The following CDC25B variants were observed in gnomAD, a reference collection of about 807,000 sequenced individuals.
CDC25B encodes the protein M-phase inducer phosphatase 2.
CDC25B carries 33 observed loss-of-function variants against 69.8 expected under a neutral mutation model. That is an observed-to-expected ratio of 0.47 (90% CI 0.36 to 0.63). The LOEUF is 0.63. CDC25B is among the 30% of genes least tolerant of loss of function. The pLI is 0.00. For synonymous variants in CDC25B, 341 were observed against 314.6 expected, an observed-to-expected ratio of 1.08 and a Z score of -0.89; for missense variants, 727 against 809.1, an observed-to-expected ratio of 0.90 and a Z score of 1.23.
Position 3,802,277 on chromosome 20 carries a change from C to A in CDC25B, c.1099-4C>A. The A allele has an allele frequency of 6.2e-7, 1 of 1,610,620 alleles. No individual in the cohort carries two copies. Among genetic ancestry groups the A allele is most frequent in the South Asian group, 1.1e-5 (1 of 91,050 alleles). Reference sequence around the variant, plus strand: ...CCCTGGCCTCCATCTGACTCACTTTCCAGAAAGCCCGCGTCCTCCGCTCAA... The same window carrying A: ...CCCTGGCCTCCATCTGACTCACTTTACAGAAAGCCCGCGTCCTCCGCTCAA... On this transcript the variant is annotated splice_polypyrimidine_tract_variant and splice_region_variant and intron_variant, in intron 10 of 15. Transcript: ENST00000245960.
intron 15 of CDC25B, 44 bp downstream of exon 15, chr20:3,804,724 C>T: frequency 8.1e-7 from 1 of 1,229,556 alleles, no homozygotes; most frequent in Non-Finnish European, 1.1e-6. Context: ...TGAGGGTTGG[C>T]TTGGCCAGGC....
At chr20:3,797,919 G>A (rs1174610883) in intron 2 of CDC25B, among the ~76,000 whole-genome samples, 170 bp downstream of exon 2, 1 of 152,176 alleles carries the variant, frequency 6.6e-6, no homozygotes, top group African/African-American at 2.4e-5. Flanking sequence ...CACACCTCTT[G>A]TGGGGCTCAC....
intron 1 of CDC25B, among the ~76,000 whole-genome samples, chr20:3,788,142 A>AAAAGCAAG (rs1555771433): frequency 6.7e-5 from 10 of 150,096 alleles, no homozygotes; most frequent in African/African-American, 2.2e-4. Context: ...ATCTCAAAAA[A>AAAAGCAAG]AAAGAAAGAA....
intron 3 of CDC25B, among the ~76,000 whole-genome samples, chr20:3,798,977 T>A (rs1024202850): frequency 2.6e-5 from 4 of 152,172 alleles, no homozygotes; most frequent in Non-Finnish European, 5.9e-5. Context: ...GTCTAGGCCC[T>A]TTCTGCAAGG....
intron 3 of CDC25B, among the ~76,000 whole-genome samples, chr20:3,799,272 G>A (rs1367314800): frequency 6.6e-6 from 1 of 152,166 alleles, no homozygotes; most frequent in Non-Finnish European, 1.5e-5. Context: ...GGATTGGGTG[G>A]GGTTGGGGGA....
chr20:3,796,354 C>T lies in CDC25B; in HGVS notation c.-178C>T, dbSNP rs2089039530. The T allele has an allele frequency of 7.7e-7, 1 of 1,293,592 alleles. No homozygotes were observed. The highest frequency in any genetic ancestry group is 9.8e-7 in the Non-Finnish European group (1 of 1,022,570). The allele number at this position is 1,293,592 out of a possible 1,614,324, so 80.1% of individuals were successfully genotyped here. A position where few individuals can be genotyped will look rare whatever the true frequency, so the allele number is the denominator to read the frequency against. Reference sequence around the variant, plus strand: ...GCCTGAGCCCGGCGTCCCTCGCCCCCCGCCCTCCCCGCATCCCTCTCCTCC... The same window carrying T: ...GCCTGAGCCCGGCGTCCCTCGCCCCTCGCCCTCCCCGCATCCCTCTCCTCC... On this transcript the variant is annotated 5_prime_UTR_variant, in exon 1 of 16. Transcript: ENST00000245960.
rs942223003 is a variant in CDC25B, at chr20:3,798,877, A to C, written c.380+414A>C. Among the ~76,000 whole-genome samples, 88 of 152,350 alleles carry C rather than the reference A, an allele frequency of 5.8e-4. 1 individual carries two copies. Among genetic ancestry groups the C allele is most frequent in the Non-Finnish European group, 5.9e-5 (4 of 68,040 alleles). On this transcript the variant is annotated intron_variant, in intron 3 of 15. Coordinates refer to ENST00000245960, the MANE Select transcript of CDC25B (RefSeq NM_021873.4). ...CAAAACTTTAACTCACTCTAGGCCAAACAAAACACAGTTGCCTGCAGATTG... is the reference window on the plus strand; with the variant it reads ...CAAAACTTTAACTCACTCTAGGCCACACAAAACACAGTTGCCTGCAGATTG...
chr20:3,805,022 TGGGCCTGCCGGGCTGA>T lies in CDC25B; in HGVS notation c.*70_*85del. 2 of 1,557,516 alleles carry T rather than the reference TGGGCCTGCCGGGCTGA, an allele frequency of 1.3e-6. No individual in the cohort carries two copies. Among genetic ancestry groups the T allele is most frequent in the Non-Finnish European group, 1.7e-6 (2 of 1,152,490 alleles). On this transcript the variant is annotated 3_prime_UTR_variant, in exon 16 of 16. Transcript: ENST00000245960. ...TCGAGGCCTGAAGCCAGCTGCCCTA[TGGGCCTGCCGGGCTGA>T]GGGCCTGCTGGAGGCCTCAGGTGCT...
chr20:3,787,138 A>G, exon 1 of CDC25B: 3 of 667,504 alleles, frequency 4.5e-6, no homozygotes, highest in Non-Finnish European at 8.0e-6. Context: ...AGAGATGCAC[A>G]GGTAACATTT....
At chr20:3,800,253 G>A in intron 3 of CDC25B, 35 bp from the exon 4 acceptor site, 1 of 1,611,276 alleles carries the variant, frequency 6.2e-7, no homozygotes. Context: ...GGTGCGGAGG[G>A]AGCATGGGTT....
chr20:3,800,236 G>A, intron 3 of CDC25B, 52 bp from the exon 4 acceptor site: 1 of 1,051,050 alleles, frequency 9.5e-7, no homozygotes, highest in South Asian at 1.4e-5. Context: ...TGCTGGGGTG[G>A]GTGATGGGTG....
At chr20:3,799,595 G>A (rs758328958) in intron 3 of CDC25B, among the ~76,000 whole-genome samples, 2 of 152,154 alleles carry the variant, frequency 1.3e-5, no homozygotes, top group African/African-American at 2.4e-5. Context: ...CTGAGGGGGC[G>A]GGGCCTCAGA....
rs1187248849 is a variant in CDC25B, at chr20:3,805,481, T to C, written c.*520T>C. ...TGCCCCTTTCTCTTTTCCCCTTTCC[T>C]GTCCCACCATACGAGCACCTCCAGC... On this transcript the variant is annotated 3_prime_UTR_variant, in exon 16 of 16. Transcript: ENST00000245960. 2 of 305,716 alleles carry C rather than the reference T, an allele frequency of 6.5e-6. No homozygotes were observed. The highest frequency in any genetic ancestry group is 1.2e-5 in the Non-Finnish European group (2 of 166,462). The allele number at this position is 305,716 out of a possible 1,614,324, so 18.9% of individuals were successfully genotyped here.
chr20:3,805,031 CGGGCTGAGGGCCTGCT>C lies in CDC25B; in HGVS notation c.*73_*88del. 6.6e-7 allele frequency: 1 copy of C among 1,511,902 alleles called. No individual in the cohort carries two copies. Among genetic ancestry groups the C allele is most frequent in the Non-Finnish European group, 8.9e-7 (1 of 1,121,306 alleles). The allele number at this position is 1,511,902 out of a possible 1,614,324, so 93.7% of individuals were successfully genotyped here. ...GAAGCCAGCTGCCCTATGGGCCTGC[CGGGCTGAGGGCCTGCT>C]GGAGGCCTCAGGTGCTGTCCATGGG... On this transcript the variant is annotated 3_prime_UTR_variant, in exon 16 of 16. Transcript: ENST00000245960.
intron 14 of CDC25B, among the ~76,000 whole-genome samples, chr20:3,804,045 A>G (rs1187307304): frequency 2.0e-5 from 3 of 152,028 alleles, no homozygotes; most frequent in Admixed American, 2.0e-4. Flanking sequence ...GCCTGGCCTC[A>G]CCCATGTGGT....
In CDC25B at chr20:3,803,040, G is replaced by A; in HGVS notation, c.1257+68G>A. The stretch of plus-strand genomic sequence containing the variant: ...AGCTCCATTGTTGACCTTCCCTGGG[G>A]ACAGGCTAGGGCCACCTGCCAGCTG... On this transcript the variant is annotated intron_variant, in intron 12 of 15. Transcript: ENST00000245960. The surrounding 1 kb of genome is among the most constrained non-coding windows in gnomAD (Gnocchi z 4.9). 1 of 1,594,182 alleles carries A rather than the reference G, an allele frequency of 6.3e-7. No individual in the cohort carries two copies. The highest frequency in any genetic ancestry group is 8.6e-7 in the Non-Finnish European group (1 of 1,161,852).
chr20:3,792,872 A>G (rs2088938238), upstream of CDC25B, among the ~76,000 whole-genome samples: 1 of 152,168 alleles, frequency 6.6e-6, no homozygotes, highest in Non-Finnish European at 1.5e-5. Context: ...TTGAATTACT[A>G]GCCTCAGGCA....
upstream of CDC25B, chr20:3,795,899 T>C: frequency 4.1e-6 from 4 of 985,702 alleles, no homozygotes; most frequent in South Asian, 1.9e-4. Context: ...ATGGGGTGTC[T>C]AACGCAGACC....
At chr20:3,799,513 TGTGTGTGTGTGTGCGC>T (rs767634247) in intron 3 of CDC25B, among the ~76,000 whole-genome samples, 16 of 113,952 alleles carry the variant, frequency 1.4e-4, no homozygotes, top group South Asian at 2.8e-4. Context: ...TGTGTGTGTG[TGTGTGTGTGTGTGCGC>T]GCGCGCGCGT....
Sources: gnomAD v4.1 joint callset for allele counts (sites outside exome capture counted in the v4.1 genomes callset) on GRCh38, gnomAD v4.1.1 for gene constraint, Gnocchi (gnomAD v3.1) non-coding constraint, MANE v1.5 for transcripts, NCBI Gene and HGNC (gene_info 2026-07-23, HGNC 2026-07-21) for gene names.